The following VWA3B variants were observed in gnomAD, a reference collection of about 807,000 sequenced individuals.
The protein encoded by VWA3B is von Willebrand factor A domain containing 3B.
A neutral mutation model predicts 158.3 loss-of-function variants in VWA3B; 138 were observed. The ratio of observed to expected loss-of-function variants is 0.87; its 90% confidence interval spans 0.76 to 1.00. The LOEUF (loss-of-function observed/expected upper bound fraction) is 1.00. VWA3B is among the 50% of genes least tolerant of loss of function. The pLI, the probability that VWA3B is intolerant of heterozygous loss-of-function variation, is 0.00. For synonymous variants in VWA3B, 596 were observed against 587.3 expected (o/e 1.01, Z -0.21); for missense variants, 1,555 against 1,565.1 (o/e 0.99, Z 0.11).
rs1203029823 is a variant in VWA3B, at chr2:98,300,231, A to C, written c.3420+15A>C. 8 of 1,613,646 alleles carry C rather than the reference A, an allele frequency of 5.0e-6. No homozygotes were observed. Among genetic ancestry groups the C allele is most frequent in the Middle Eastern group, 3.3e-4 (2 of 6,082 alleles). The stretch of plus-strand genomic sequence containing the variant: ...ACAACCGGAGAGTAAGTAGATTTTC[A>C]TTTAGAAAAGGACTTTCTCCTGGGC... On this transcript the variant is annotated intron_variant, in intron 25 of 27. Transcript: ENST00000477737.
At chr2:98,261,344 T>C (rs1687468008) in intron 21 of VWA3B, among the ~76,000 whole-genome samples, 1 of 151,802 alleles carries the variant, frequency 6.6e-6, no homozygotes, top group African/African-American at 2.4e-5. Flanking sequence ...ACAAATTATA[T>C]CATTTACATT....
intron 2 of VWA3B, among the ~76,000 whole-genome samples, chr2:98,106,410 A>C (rs1673663277): frequency 6.6e-6 from 1 of 152,194 alleles, no homozygotes. Context: ...CATGTCTACA[A>C]AAATATTGCT....
At chr2:98,277,997 G>C (rs1210711801) in intron 22 of VWA3B, among the ~76,000 whole-genome samples, 2 of 151,916 alleles carry the variant, frequency 1.3e-5, no homozygotes, top group African/African-American at 4.8e-5. Flanking sequence ...GGAGGTGTGA[G>C]GCATTACACC....
At chr2:98,228,876 T>G (rs1685129597) in intron 15 of VWA3B, 1 of 152,194 alleles carries the variant, frequency 6.6e-6, no homozygotes. Flanking sequence ...AGGAAATTGG[T>G]CAAATCTTAT....
chr2:98,230,831 G>A (rs72950910), intron 16 of VWA3B, among the ~76,000 whole-genome samples: 12,355 of 152,114 alleles, frequency 0.081, 866 homozygotes, highest in Admixed American at 0.22. Flanking sequence ...AATAAAGCCA[G>A]AAAGATTGGA....
At chr2:98,267,082 T>C (rs1417576867) in intron 21 of VWA3B, among the ~76,000 whole-genome samples, 1 of 151,882 alleles carries the variant, frequency 6.6e-6, no homozygotes, top group Admixed American at 6.6e-5. Flanking sequence ...TCCAACACTA[T>C]GTTGAATAGG....
intron 23 of VWA3B, among the ~76,000 whole-genome samples, chr2:98,296,396 G>A (rs2105969065): frequency 7.9e-6 from 1 of 126,058 alleles, no homozygotes; most frequent in East Asian, 2.0e-4. Flanking sequence ...AAAAGGTAAA[G>A]TCAGTTTATG....
intron 26 of VWA3B, among the ~76,000 whole-genome samples, chr2:98,306,878 C>T (rs975638687): frequency 1.3e-5 from 2 of 152,156 alleles, no homozygotes; most frequent in African/African-American, 4.8e-5. Flanking sequence ...TTTATGTTGG[C>T]TGCCTCTGTG....
chr2:98,216,985 C>CCCA lies in VWA3B; in HGVS notation c.1837-861_1837-860insCCA, dbSNP rs373240618. 350 of 1,245,398 alleles carry CCCA rather than the reference C, an allele frequency of 2.8e-4. 9 individuals carry two copies. In the South Asian group the frequency reaches 3.9e-3, roughly 14 times the overall value. The allele number at this position is 1,245,398 out of a possible 1,614,324, so 77.1% of individuals were successfully genotyped here. Reference sequence around the variant, plus strand: ...TGTCATGTGTATCATTGTAAGCACCCGCCCCGCACCCAGTCTCAGGTGGTC... The same window carrying CCCA: ...TGTCATGTGTATCATTGTAAGCACCCCCAGCCCCGCACCCAGTCTCAGGTGGTC... On this transcript the variant is annotated intron_variant, in intron 13 of 27. Coordinates refer to ENST00000477737, the MANE Select transcript of VWA3B (RefSeq NM_144992.5).
At chr2:98,161,852 A>C in intron 7 of VWA3B, among the ~76,000 whole-genome samples, 1 of 152,040 alleles carries the variant, frequency 6.6e-6, no homozygotes, top group Non-Finnish European at 1.5e-5. Context: ...GATTACAGGC[A>C]CGGGCCACCA....
intron 22 of VWA3B, among the ~76,000 whole-genome samples, chr2:98,285,764 T>C (rs1293100414): frequency 6.6e-6 from 1 of 151,866 alleles, no homozygotes; most frequent in Non-Finnish European, 1.5e-5. Context: ...TAGATTCAAC[T>C]TCTCAATTTC....
chr2:98,210,160 C>T (rs1229553150), intron 12 of VWA3B, among the ~76,000 whole-genome samples: 2 of 152,328 alleles, frequency 1.3e-5, no homozygotes, highest in Admixed American at 6.5e-5. Flanking sequence ...TTCCTGGCCC[C>T]TCTCCTCCTA....
intron 7 of VWA3B, among the ~76,000 whole-genome samples, chr2:98,148,016 A>G (rs1677314557): frequency 6.6e-6 from 1 of 152,150 alleles, no homozygotes; most frequent in African/African-American, 2.4e-5. Flanking sequence ...AGCTTCATCC[A>G]TGTCCCTACA....
chr2:98,172,058 G>C (rs1284051884), intron 8 of VWA3B, among the ~76,000 whole-genome samples: 1 of 152,208 alleles, frequency 6.6e-6, no homozygotes, highest in Non-Finnish European at 1.5e-5. Context: ...GTTACAGGGT[G>C]CTCTTTTAGT....
chr2:98,228,191 C>T lies in VWA3B; in HGVS notation c.2020-11C>T, dbSNP rs1041376351. The T allele has an allele frequency of 6.2e-7, 1 of 1,607,142 alleles. No individual in the cohort carries two copies. The highest frequency in any genetic ancestry group is 1.1e-5 in the South Asian group (1 of 89,562). On this transcript the variant is annotated splice_polypyrimidine_tract_variant and intron_variant, in intron 14 of 27. Transcript: ENST00000477737. ...CTAGTCTTATAGCATATTCACTTCTCATTTTGGCAGAATGAAGATCTGACT... is the reference window on the plus strand; with the variant it reads ...CTAGTCTTATAGCATATTCACTTCTTATTTTGGCAGAATGAAGATCTGACT...
intron 26 of VWA3B, among the ~76,000 whole-genome samples, chr2:98,304,892 C>G (rs1219757058): frequency 6.6e-6 from 1 of 152,144 alleles, no homozygotes. Flanking sequence ...CCAGCATGCT[C>G]CCTGCCCTTC....
chr2:98,266,923 T>C (rs1247282129), intron 21 of VWA3B, among the ~76,000 whole-genome samples: 1 of 148,920 alleles, frequency 6.7e-6, no homozygotes, highest in Non-Finnish European at 1.5e-5. Flanking sequence ...CTGAAGTTGC[T>C]TATCAGCTTA....
chr2:98,160,098 G>A (rs983006516), intron 7 of VWA3B, among the ~76,000 whole-genome samples: 2 of 151,636 alleles, frequency 1.3e-5, no homozygotes, highest in Non-Finnish European at 2.9e-5. Context: ...TCAAATTCAC[G>A]GAGGTCTGAA....
chr2:98,190,553 A>G (rs1480015811), intron 10 of VWA3B, among the ~76,000 whole-genome samples: 1 of 152,126 alleles, frequency 6.6e-6, no homozygotes, highest in Non-Finnish European at 1.5e-5. Flanking sequence ...GTGCAGGTCT[A>G]TTGGTGATGA....
Sources: gnomAD v4.1 joint callset for allele counts (sites outside exome capture counted in the v4.1 genomes callset) on GRCh38, gnomAD v4.1.1 for gene constraint, MANE v1.5 for transcripts, NCBI Gene and HGNC (gene_info 2026-07-23, HGNC 2026-07-21) for gene names.